The following PLCH1 variants were observed in gnomAD, a reference collection of about 807,000 sequenced individuals.
The protein encoded by PLCH1 is phospholipase C eta 1.
PLCH1 carries 60 observed loss-of-function variants against 126.7 expected under a neutral mutation model. That is an observed-to-expected ratio of 0.47 (90% CI 0.38 to 0.59). The LOEUF (loss-of-function observed/expected upper bound fraction) is 0.59, where lower values mean the gene tolerates loss of function less well. PLCH1 is among the 20% of genes least tolerant of loss of function. The pLI is 0.00. For missense variants in PLCH1, 1,723 were observed against 2,040.0 expected (o/e 0.84, Z 2.99); for synonymous variants, 719 against 734.9 (o/e 0.98, Z 0.35).
intron 1 of PLCH1, among the ~76,000 whole-genome samples, chr3:155,716,558 A>T (rs913075491): frequency 6.6e-6 from 1 of 152,194 alleles, no homozygotes; most frequent in Non-Finnish European, 1.5e-5. Context: ...CAGGCATCTG[A>T]CATGGCAGGA....
chr3:155,687,848 T>C (rs1745075842), intron 2 of PLCH1, among the ~76,000 whole-genome samples: 1 of 152,202 alleles, frequency 6.6e-6, no homozygotes, highest in Non-Finnish European at 1.5e-5. Flanking sequence ...CTTCCACAAC[T>C]AAAGGTCATT....
In PLCH1 at chr3:155,504,414, T is replaced by C. The variant is rs569123660; in HGVS notation, c.1704+141A>G. 1.6e-5 allele frequency: 9 copies of C among 553,814 alleles called. No individual in the cohort carries two copies. In the South Asian group the frequency reaches 2.6e-4, roughly 16 times the overall value. The allele number at this position is 553,814 out of a possible 1,614,324, so 34.3% of individuals were successfully genotyped here. ...TAGAAGTTCTTAACTTTTAAAGTAG[T>C]TTAAATATCAATCTTTTCCTTTGCT... On this transcript the variant is annotated intron_variant, in intron 13 of 22. Coordinates refer to ENST00000460012, the MANE Select transcript of PLCH1 (RefSeq NM_014996.4).
Position 155,676,392 on chromosome 3 carries a change from C to T in PLCH1, c.79+27754G>A, listed in dbSNP as rs974606139. ...TATGAGACATGCATGCTTCGTGCAG[C>T]GCGTTAAAGCCCTCAAGGCATTATG... On this transcript the variant is annotated intron_variant, in intron 2 of 22. Coordinates refer to ENST00000460012, the MANE Select transcript of PLCH1 (RefSeq NM_014996.4). 3.2e-5 allele frequency: 33 copies of T among 1,021,298 alleles called. No individual in the cohort carries two copies. In the East Asian group the frequency reaches 3.3e-4, roughly 10 times the overall value. The allele number at this position is 1,021,298 out of a possible 1,614,324, so 63.3% of individuals were successfully genotyped here. A position where few individuals can be genotyped will look rare whatever the true frequency, so the allele number is the denominator to read the frequency against.
intron 21 of PLCH1, among the ~76,000 whole-genome samples, chr3:155,458,689 C>T (rs1490243489): frequency 2.0e-5 from 3 of 152,092 alleles, no homozygotes; most frequent in Non-Finnish European, 4.4e-5. Flanking sequence ...CAGATTTCAA[C>T]AATGCAAGAC....
chr3:155,689,244 C>T (rs1241536748), intron 2 of PLCH1, among the ~76,000 whole-genome samples: 1 of 152,124 alleles, frequency 6.6e-6, no homozygotes, highest in Non-Finnish European at 1.5e-5. Context: ...CTGAAAAAAA[C>T]ACAGCATTAT....
intron 2 of PLCH1, among the ~76,000 whole-genome samples, chr3:155,666,830 A>G (rs1197090039): frequency 6.6e-6 from 1 of 152,154 alleles, no homozygotes; most frequent in Non-Finnish European, 1.5e-5. Flanking sequence ...GAGAAAAAAT[A>G]TAAGTAGAAA....
intron 2 of PLCH1, among the ~76,000 whole-genome samples, chr3:155,682,486 T>C (rs560785230): frequency 1.3e-5 from 2 of 152,330 alleles, no homozygotes; most frequent in East Asian, 3.9e-4. Context: ...ATTAAGGTAG[T>C]AATTACAATC....
At chr3:155,710,970 CTTTT>C (rs35033002) in intron 1 of PLCH1, among the ~76,000 whole-genome samples, 1 of 136,130 alleles carries the variant, frequency 7.3e-6, no homozygotes, top group Admixed American at 7.3e-5. Flanking sequence ...GCACTGTGGT[CTTTT>C]TTTTTTTTTT....
intron 21 of PLCH1, among the ~76,000 whole-genome samples, chr3:155,469,773 C>T (rs1028185491): frequency 1.1e-4 from 17 of 151,882 alleles, no homozygotes; most frequent in Admixed American, 6.6e-5. Context: ...TGACCCCTGA[C>T]CCCTGAGCAG....
chr3:155,525,753 A>G (rs572424998), intron 10 of PLCH1, among the ~76,000 whole-genome samples: 1 of 152,236 alleles, frequency 6.6e-6, no homozygotes, highest in South Asian at 2.1e-4. Flanking sequence ...GGGCTTTTTG[A>G]CAGGGAACAT....
chr3:155,609,280 C>T lies in PLCH1; in HGVS notation c.80-12902G>A, dbSNP rs190036551. Among the ~76,000 whole-genome samples the T allele has an allele frequency of 1.6e-3, 247 of 152,234 alleles. 1 individual carries two copies. Among genetic ancestry groups the T allele is most frequent in the African/African-American group, 5.8e-3 (241 of 41,542 alleles). ...CTGATGCCCCACTGGGTGGCTAGAC[C>T]CAGAAGAGCAATAAGAATCACTGCA... is the stretch of plus-strand genomic sequence containing the variant. On this transcript the variant is annotated intron_variant, in intron 2 of 22. Coordinates refer to ENST00000460012, the MANE Select transcript of PLCH1 (RefSeq NM_014996.4).
intron 8 of PLCH1, among the ~76,000 whole-genome samples, chr3:155,559,743 T>C (rs1727331046): frequency 6.6e-6 from 1 of 152,140 alleles, no homozygotes; most frequent in Non-Finnish European, 1.5e-5. Flanking sequence ...AGGTAACCTT[T>C]TGGACATACA....
intron 8 of PLCH1, among the ~76,000 whole-genome samples, chr3:155,562,084 T>C (rs143730383): frequency 2.2e-4 from 34 of 152,286 alleles, no homozygotes; most frequent in African/African-American, 6.5e-4. Context: ...CCTGGCCACA[T>C]TGTTTTTATA....
At chr3:155,544,203 A>C (rs1293048115) in intron 10 of PLCH1, among the ~76,000 whole-genome samples, 3 of 152,228 alleles carry the variant, frequency 2.0e-5, no homozygotes, top group Non-Finnish European at 4.4e-5. Context: ...TCTACCAAGC[A>C]AATGGAAAAC....
At chr3:155,622,324 C>A (rs1243632645) in intron 2 of PLCH1, among the ~76,000 whole-genome samples, 1 of 152,190 alleles carries the variant, frequency 6.6e-6, no homozygotes, top group East Asian at 1.9e-4. Flanking sequence ...ATGGTAAACA[C>A]CATCAACACT....
At chr3:155,741,007 C>T (rs1444611802) in intron 1 of PLCH1, among the ~76,000 whole-genome samples, 1 of 152,204 alleles carries the variant, frequency 6.6e-6, no homozygotes, top group Non-Finnish European at 1.5e-5. Flanking sequence ...TCCACGTTAT[C>T]TTGGTTGTCC....
At position 155,588,082 on chromosome 3, in the gene PLCH1, G is replaced by C. The variant is rs1405101517; in HGVS notation, c.471-1888C>G. On this transcript the variant is annotated intron_variant, in intron 4 of 22. Transcript: ENST00000460012. Reference sequence around the variant, plus strand: ...TGCGATTCAAATTATGACTGTAGAAGATTATACCTCAGAAAGTAAAAACAA... The same window carrying C: ...TGCGATTCAAATTATGACTGTAGAACATTATACCTCAGAAAGTAAAAACAA... Among the ~76,000 whole-genome samples, 7 of 152,130 alleles carry C rather than the reference G, an allele frequency of 4.6e-5. No homozygotes were observed. The East Asian group carries it at 1.3e-3, about 29-fold the overall frequency.
intron 21 of PLCH1, among the ~76,000 whole-genome samples, chr3:155,471,358 A>C (rs1031330068): frequency 6.6e-6 from 1 of 152,148 alleles, no homozygotes; most frequent in African/African-American, 2.4e-5. Flanking sequence ...AAAGGGATCA[A>C]TTCAACAAGA....
At chr3:155,541,868 T>G (rs1248111894) in intron 10 of PLCH1, among the ~76,000 whole-genome samples, 3 of 151,662 alleles carry the variant, frequency 2.0e-5, no homozygotes, top group Admixed American at 2.0e-4. Context: ...TGCAATAAAG[T>G]AAAATACAAT....
Sources: gnomAD v4.1 joint callset for allele counts (sites outside exome capture counted in the v4.1 genomes callset) on GRCh38, gnomAD v4.1.1 for gene constraint, MANE v1.5 for transcripts, NCBI Gene and HGNC (gene_info 2026-07-23, HGNC 2026-07-21) for gene names.